GAD2: variants seen among roughly 807,000 people sequenced by gnomAD.
The protein encoded by GAD2 is glutamate decarboxylase 2, also known as 65 kDa glutamic acid decarboxylase.
GAD2 carries 22 observed loss-of-function variants against 80.1 expected under a neutral mutation model. The ratio of observed to expected loss-of-function variants is 0.27; its 90% CI spans 0.20 to 0.39. The LOEUF (loss-of-function observed/expected upper bound fraction) is 0.39, where lower values mean the gene tolerates loss of function less well. GAD2 is among the 10% of genes least tolerant of loss of function. The pLI is 1.00. For missense variants in GAD2, 624 were observed against 738.4 expected (o/e 0.85, Z 1.80); for synonymous variants, 274 against 256.9 (o/e 1.07, Z -0.64).
At chr10:26,228,301 C>T (rs1844554818) in intron 6 of GAD2, among the ~76,000 whole-genome samples, 1 of 152,216 alleles carries the variant, frequency 6.6e-6, no homozygotes, top group South Asian at 2.1e-4. Flanking sequence ...AGACACAAAT[C>T]TTATGGCGTG....
chr10:26,238,909 G>C (rs80061323), intron 7 of GAD2, among the ~76,000 whole-genome samples: 1 of 152,134 alleles, frequency 6.6e-6, no homozygotes, highest in African/African-American at 2.4e-5. Context: ...AGCGAATGGA[G>C]GTGTCAGAAG....
chr10:26,246,332 A>C (rs951319484), intron 8 of GAD2, among the ~76,000 whole-genome samples: 2 of 152,202 alleles, frequency 1.3e-5, no homozygotes, highest in African/African-American at 4.8e-5. Flanking sequence ...TGGAGGTGTC[A>C]TCACTTTGGG....
chr10:26,263,643 C>T (rs559862373), intron 8 of GAD2, among the ~76,000 whole-genome samples: 1 of 152,212 alleles, frequency 6.6e-6, no homozygotes, highest in Non-Finnish European at 1.5e-5. Context: ...ATTAACTCTC[C>T]TTGCCATCTT....
intron 8 of GAD2, among the ~76,000 whole-genome samples, chr10:26,251,110 G>A (rs1844876200): frequency 6.8e-6 from 1 of 147,028 alleles, no homozygotes; most frequent in Non-Finnish European, 1.5e-5. Flanking sequence ...CTGTTAGCCA[G>A]GATGGTCTTG....
At chr10:26,252,879 G>T (rs1237177821) in intron 8 of GAD2, among the ~76,000 whole-genome samples, 2 of 142,810 alleles carry the variant, frequency 1.4e-5, no homozygotes, top group Non-Finnish European at 3.1e-5. Flanking sequence ...GCTGCTCTCG[G>T]ACTCCTGACC....
intron 7 of GAD2, among the ~76,000 whole-genome samples, chr10:26,235,606 A>G (rs1589139787): frequency 6.6e-6 from 1 of 152,246 alleles, no homozygotes; most frequent in East Asian, 1.9e-4. Flanking sequence ...TCTAAAATAG[A>G]GAATCACAAA....
chr10:26,280,587 G>A (rs8190745), intron 11 of GAD2, among the ~76,000 whole-genome samples: 1,523 of 152,184 alleles, frequency 0.01, 12 homozygotes, highest in Middle Eastern at 0.02. Context: ...GAATAGGATG[G>A]GAGGCAGGTT....
intron 8 of GAD2, among the ~76,000 whole-genome samples, chr10:26,246,988 T>C (rs1312584670): frequency 6.6e-6 from 1 of 152,182 alleles, no homozygotes; most frequent in East Asian, 1.9e-4. Flanking sequence ...AAAGGGGTCC[T>C]GATCCACATC....
At chr10:26,260,498 C>T (rs8190696) in intron 8 of GAD2, among the ~76,000 whole-genome samples, 1,980 of 152,060 alleles carry the variant, frequency 0.013, 21 homozygotes, top group Middle Eastern at 0.024. Context: ...TGTGATGGCG[C>T]GTGGCTGTAT....
chr10:26,218,062 G>T, intron 3 of GAD2, 71 bp downstream of exon 3: 2 of 1,486,352 alleles, frequency 1.3e-6, no homozygotes, highest in South Asian at 2.7e-5. Context: ...GGCCGGTGCG[G>T]GTCCGGCGCT....
At chr10:26,221,003 T>A (rs1844446121) in intron 4 of GAD2, among the ~76,000 whole-genome samples, 1 of 152,236 alleles carries the variant, frequency 6.6e-6, no homozygotes, top group South Asian at 2.1e-4. Context: ...TGGATTAAGT[T>A]GGATTTCTAA....
rs1274156434 is a variant in GAD2 at position 26,284,918 on chromosome 10, A to G, written c.1237-1427A>G. ...GTTTTTGAGTTGTTTTCTTTATCAC[A>G]GTAGGAATAGGTCTGATCCATTCAG... On this transcript the variant is annotated intron_variant, in intron 12 of 15. Coordinates refer to ENST00000376261, the MANE Select transcript of GAD2 (RefSeq NM_001134366.2). Among the ~76,000 whole-genome samples the G allele has an allele frequency of 2.0e-5, 3 of 152,114 alleles. No homozygotes were observed. The South Asian group carries it at 6.2e-4, about 32-fold the overall frequency.
intron 15 of GAD2, among the ~76,000 whole-genome samples, chr10:26,294,617 A>G (rs1834253664): frequency 6.6e-6 from 1 of 152,178 alleles, no homozygotes; most frequent in Non-Finnish European, 1.5e-5. Flanking sequence ...CCCCTGATCT[A>G]GAGGAAAAAA....
At chr10:26,277,012 C>T (rs1845216860) in intron 11 of GAD2, among the ~76,000 whole-genome samples, 1 of 152,122 alleles carries the variant, frequency 6.6e-6, no homozygotes, top group South Asian at 2.1e-4. Flanking sequence ...GATTAAAATT[C>T]AAGGCAAGGA....
At chr10:26,256,181 A>G (rs1844940436) in intron 8 of GAD2, among the ~76,000 whole-genome samples, 2 of 152,160 alleles carry the variant, frequency 1.3e-5, no homozygotes, top group South Asian at 4.1e-4. Context: ...GCTGTATATA[A>G]AATCCAATAT....
At chr10:26,286,526 T>C (rs1845335077) in intron 13 of GAD2, 32 bp downstream of exon 13, 1 of 1,569,446 alleles carries the variant, frequency 6.4e-7, no homozygotes, top group East Asian at 2.3e-5. Context: ...AAATGTCAAC[T>C]AAAAACAGAA....
rs1195619682 is a variant in GAD2, at chr10:26,216,929, G to A, written c.76+44G>A. The A allele has an allele frequency of 6.5e-7, 1 of 1,548,842 alleles. No individual in the cohort carries two copies. The highest frequency in any genetic ancestry group is 8.9e-7 in the Non-Finnish European group (1 of 1,127,552). ...GCCTGCGGCGGGCGAGTTTTGCGGT[G>A]GTCTGGGGTTTGCGGAACTACGGAG... is the stretch of plus-strand genomic sequence containing the variant. On this transcript the variant is annotated intron_variant, in intron 1 of 15. Transcript: ENST00000376261. The surrounding 1 kb of genome is among the most constrained non-coding windows in gnomAD (Gnocchi z 4.7).
chr10:26,299,091 C>A (rs1410397227), intron 15 of GAD2, among the ~76,000 whole-genome samples: 2 of 152,128 alleles, frequency 1.3e-5, no homozygotes, highest in African/African-American at 4.8e-5. Flanking sequence ...CATCCACGTT[C>A]ATTTTTAGAG....
chr10:26,242,011 C>T (rs1345048877), intron 7 of GAD2, among the ~76,000 whole-genome samples: 2 of 151,716 alleles, frequency 1.3e-5, no homozygotes, highest in African/African-American at 2.4e-5. Flanking sequence ...GACAGAGTCT[C>T]ACTCTGTTGC....
Sources: gnomAD v4.1 joint callset for allele counts (sites outside exome capture counted in the v4.1 genomes callset) on GRCh38, gnomAD v4.1.1 for gene constraint, Gnocchi (gnomAD v3.1) non-coding constraint, MANE v1.5 for transcripts, NCBI Gene and HGNC (gene_info 2026-07-23, HGNC 2026-07-21) for gene names.